TNK2: variants seen among roughly 807,000 people sequenced by gnomAD.
TNK2 encodes the protein activated CDC42 kinase 1.
TNK2 carries 83 observed loss-of-function variants against 101.8 expected under a neutral mutation model. The ratio of observed to expected loss-of-function variants is 0.82; its 90% CI spans 0.68 to 0.98. The LOEUF (loss-of-function observed/expected upper bound fraction) is 0.98. Ranked by LOEUF, TNK2 falls within the 50% of genes least tolerant of loss-of-function variation. TNK2 has a pLI of 0.00. For synonymous variants in TNK2, 804 were observed against 633.0 expected (o/e 1.27, Z -4.06); for missense variants, 1,665 against 1,483.2 (o/e 1.12, Z -2.01).
intron 15 of TNK2, among the ~76,000 whole-genome samples, chr3:195,866,070 G>C (rs1219795828): frequency 6.6e-6 from 1 of 152,070 alleles, no homozygotes; most frequent in African/African-American, 2.4e-5. Flanking sequence ...TTTTTGACTT[G>C]ACAGCGCTCT....
At chr3:195,897,817 C>A (rs1760787575) in intron 1 of TNK2, among the ~76,000 whole-genome samples, 1 of 30,110 alleles carries the variant, frequency 3.3e-5, no homozygotes, top group African/African-American at 1.7e-4. Flanking sequence ...CTCACCCCCC[C>A]ACCCCCCCCC....
At position 195,903,281 on chromosome 3, in the gene TNK2, C is replaced by G. The variant is rs144307708; in HGVS notation, c.-19+5204G>C. Among the ~76,000 whole-genome samples the G allele has an allele frequency of 8.7e-4, 131 of 150,792 alleles. 1 individual carries two copies. Among genetic ancestry groups the G allele is most frequent in the African/African-American group, 3.1e-3 (129 of 41,048 alleles). ...GGTCTCAATCTCCTGACCTCGTGAT[C>G]TGCACATCTCGGCCTCCCAAAGTAT... On this transcript the variant is annotated intron_variant, in intron 1 of 15. Transcript: ENST00000672887.
At chr3:195,883,798 G>A (rs1362363199) in intron 4 of TNK2, 1 of 156,092 alleles carries the variant, frequency 6.4e-6, no homozygotes, top group African/African-American at 2.4e-5. Context: ...ATTTTTAGTA[G>A]AGATGGGGTT....
At chr3:195,895,134 C>A in intron 1 of TNK2, 2 of 1,016,784 alleles carry the variant, frequency 2.0e-6, no homozygotes, top group Non-Finnish European at 2.7e-6. Flanking sequence ...GGCCCAGGAG[C>A]AGACACTCTC....
intron 11 of TNK2, 105 bp from the exon 12 acceptor site, chr3:195,869,646 G>T: frequency 8.4e-7 from 1 of 1,189,700 alleles, no homozygotes. Context: ...GACGAAGGGA[G>T]AGAAGTGAAT....
At position 195,882,035 on chromosome 3, in the gene TNK2, A is replaced by G. The variant is rs1220288517; in HGVS notation, c.887+16T>C. On this transcript the variant is annotated intron_variant, in intron 6 of 15. Transcript: ENST00000672887. The surrounding 1 kb of genome is among the most constrained non-coding windows in gnomAD (Gnocchi z 4.2). ...GTCTGCAGGGACTCTGTGAGCTGGC[A>G]GCACCTGCCCCTCACCAGGCGAAGG... 1 of 1,600,220 alleles carries G rather than the reference A, an allele frequency of 6.2e-7. No homozygotes were observed. Among genetic ancestry groups the G allele is most frequent in the East Asian group, 2.2e-5 (1 of 44,682 alleles).
At position 195,868,047 on chromosome 3, in the gene TNK2, TGTCGTCACCCCCCGGGCTG is replaced by T; in HGVS notation, c.2232_2250del (p.Gly747ArgfsTer95). The T allele has an allele frequency of 6.3e-7, 1 of 1,597,700 alleles. No homozygotes were observed. The highest frequency in any genetic ancestry group is 1.1e-5 in the South Asian group (1 of 89,496). On this transcript the variant is annotated frameshift_variant, in exon 13 of 16. Coordinates refer to ENST00000672887, the MANE Select transcript of TNK2 (RefSeq NM_001382273.1). LOFTEE classifies it high-confidence loss of function. ...GGTACCCGAGGAGGCACCTGGGGCT[TGTCGTCACCCCCCGGGCTG>T]GGAGAGGGGGCCGGGGAGCCGGCCG...
Position 195,863,937 on chromosome 3 carries a change from C to G in TNK2, c.*244G>C, listed in dbSNP as rs944115918. On this transcript the variant is annotated 3_prime_UTR_variant, in exon 16 of 16. Transcript: ENST00000672887. ...GGCAGCCCTCAAGCCTGTCTTCACC[C>G]GGCCCCTTCCACATCTTGGCAGGGG... The G allele has an allele frequency of 9.5e-6, 5 of 524,958 alleles. 1 individual carries two copies. Among genetic ancestry groups the G allele is most frequent in the Admixed American group, 6.3e-5 (2 of 31,688 alleles). The allele number at this position is 524,958 out of a possible 1,614,324, so 32.5% of individuals were successfully genotyped here.
chr3:195,892,610 G>A lies in TNK2; in HGVS notation c.-18-4004C>T, dbSNP rs372151459. On this transcript the variant is annotated intron_variant, in intron 1 of 15. Coordinates refer to ENST00000672887, the MANE Select transcript of TNK2 (RefSeq NM_001382273.1). ...CCAGGGGTGGGAAATGAGGAAGAAC[G>A]GGGTGGGCCCCTCCGCTCTGCTGCA... 84 of 1,452,850 alleles carry A rather than the reference G, an allele frequency of 5.8e-5. No homozygotes were observed. In the African/African-American group the frequency reaches 1.0e-3, roughly 17 times the overall value. The allele number at this position is 1,452,850 out of a possible 1,614,324, so 90.0% of individuals were successfully genotyped here. A position where few individuals can be genotyped will look rare whatever the true frequency, so the allele number is the denominator to read the frequency against.
chr3:195,899,874 G>A (rs1761027745), intron 1 of TNK2, among the ~76,000 whole-genome samples: 1 of 152,136 alleles, frequency 6.6e-6, no homozygotes, highest in Admixed American at 6.5e-5. Context: ...GAGAACGGTG[G>A]CTGCTTCTTC....
At chr3:195,876,766 GCA>G (rs1166624566) in intron 9 of TNK2, 2 of 395,432 alleles carry the variant, frequency 5.1e-6, no homozygotes, top group South Asian at 1.8e-5. Context: ...GCGGGGCGGG[GCA>G]CACCCACAAC....
intron 4 of TNK2, 115 bp downstream of exon 4, chr3:195,884,697 G>A (rs896824439): frequency 1.7e-5 from 15 of 908,322 alleles, no homozygotes; most frequent in Non-Finnish European, 2.1e-5. Flanking sequence ...ACTCTGGGAT[G>A]AGCCACACTG....
intron 6 of TNK2, among the ~76,000 whole-genome samples, chr3:195,880,170 G>A (rs936024980): frequency 2.0e-5 from 3 of 152,196 alleles, no homozygotes; most frequent in African/African-American, 7.2e-5. Context: ...GGTCTCAGCA[G>A]AGGATAAGCC....
intron 1 of TNK2, among the ~76,000 whole-genome samples, chr3:195,889,780 C>A (rs964058086): frequency 6.6e-6 from 1 of 152,240 alleles, no homozygotes; most frequent in Non-Finnish European, 1.5e-5. Context: ...GCACAGCAAA[C>A]CCATCCCTGT....
rs1738760089 is a variant in TNK2, at chr3:195,863,610, C to G, written c.*571G>C. 1 of 153,094 alleles carries G rather than the reference C, an allele frequency of 6.5e-6. No homozygotes were observed. Among genetic ancestry groups the G allele is most frequent in the African/African-American group, 2.4e-5 (1 of 41,460 alleles). 9.5% of individuals were successfully genotyped at this position (153,094 alleles called of 1,614,324 possible). ...TCTCCGCTTCCTGAGCCACCTCAGG[C>G]TATTTCCAGGCACAAGATCCTGAGG... is the stretch of plus-strand genomic sequence containing the variant. On this transcript the variant is annotated 3_prime_UTR_variant, in exon 16 of 16. Transcript: ENST00000672887.
At position 195,892,825 on chromosome 3, in the gene TNK2, T is replaced by C. The variant is rs961371070; in HGVS notation, c.-18-4219A>G. On this transcript the variant is annotated intron_variant, in intron 1 of 15. Transcript: ENST00000672887. ...CCTCCCTCTTGCCTGCCTCTCTCTC[T>C]CCCTCTCTCCCTCCCTCCCCAGCTG... The C allele has an allele frequency of 1.0e-4, 86 of 842,974 alleles. No homozygotes were observed. The African/African-American group carries it at 1.4e-3, about 14-fold the overall frequency. 52.2% of individuals were successfully genotyped at this position (842,974 alleles called of 1,614,324 possible). A position where few individuals can be genotyped will look rare whatever the true frequency, so the allele number is the denominator to read the frequency against.
chr3:195,879,003 G>A (rs1022307727), intron 7 of TNK2, 46 bp downstream of exon 7: 8 of 1,601,234 alleles, frequency 5.0e-6, no homozygotes, highest in African/African-American at 1.3e-5. Context: ...GCAGGGAATG[G>A]AATTCACCCC....
intron 1 of TNK2, chr3:195,896,130 GC>G (rs766860649): frequency 5.9e-5 from 27 of 455,312 alleles, no homozygotes; most frequent in Non-Finnish European, 1.0e-4. Flanking sequence ...ACGCGGGGGT[GC>G]CGCGCCCAGC....
chr3:195,871,236 C>T (rs1032918686), intron 10 of TNK2, among the ~76,000 whole-genome samples: 1 of 152,076 alleles, frequency 6.6e-6, no homozygotes, highest in South Asian at 2.1e-4. Flanking sequence ...ACTGATTCTG[C>T]GTGTCCTTCC....
Sources: gnomAD v4.1 joint callset for allele counts (sites outside exome capture counted in the v4.1 genomes callset) on GRCh38, gnomAD v4.1.1 for gene constraint, Gnocchi (gnomAD v3.1) non-coding constraint, MANE v1.5 for transcripts, NCBI Gene and HGNC (gene_info 2026-07-23, HGNC 2026-07-21) for gene names.